NDST3: variants seen among roughly 807,000 people sequenced by gnomAD.
NDST3 encodes the protein bifunctional heparan sulfate N-deacetylase/N-sulfotransferase 3.
In NDST3, 58 loss-of-function variants were observed where a neutral mutation model predicts 96.1. That is an observed-to-expected ratio of 0.60 (90% CI 0.49 to 0.75). The LOEUF is 0.75. Among genes scored for constraint, NDST3 ranks in the 30% least tolerant of loss-of-function variants. The pLI is 0.00. For missense variants in NDST3, 788 were observed against 1,034.2 expected, an observed-to-expected ratio of 0.76 and a Z score of 3.27; for synonymous variants, 333 against 359.7, an observed-to-expected ratio of 0.93 and a Z score of 0.84.
At chr4:118,226,445 T>G (rs1365531603) in intron 7 of NDST3, among the ~76,000 whole-genome samples, 1 of 152,150 alleles carries the variant, frequency 6.6e-6, no homozygotes, top group East Asian at 1.9e-4. Context: ...TTTGGCCAGA[T>G]CCCTATCCCT....
chr4:118,129,731 T>C (rs1732442155), intron 4 of NDST3, among the ~76,000 whole-genome samples: 1 of 152,066 alleles, frequency 6.6e-6, no homozygotes, highest in Non-Finnish European at 1.5e-5. Flanking sequence ...TTAAGTCCAA[T>C]ATTTTTTGTT....
chr4:118,113,415 T>C (rs1466288412), intron 3 of NDST3, among the ~76,000 whole-genome samples: 1 of 152,180 alleles, frequency 6.6e-6, no homozygotes, highest in Non-Finnish European at 1.5e-5. Flanking sequence ...AAAGTGAAAC[T>C]GAAGACTGCC....
At chr4:118,118,957 G>A (rs1388646551) in intron 4 of NDST3, among the ~76,000 whole-genome samples, 2 of 152,104 alleles carry the variant, frequency 1.3e-5, no homozygotes, top group East Asian at 1.9e-4. Flanking sequence ...GAAAATGGTG[G>A]TGGTTAAATT....
chr4:118,113,124 C>G (rs77868937), intron 3 of NDST3, among the ~76,000 whole-genome samples: 164 of 152,184 alleles, frequency 1.1e-3, no homozygotes, highest in African/African-American at 3.8e-3. Flanking sequence ...CTACCTCCCC[C>G]CAAAAATAAA....
chr4:118,182,239 A>G (rs566899360), intron 6 of NDST3, among the ~76,000 whole-genome samples: 3 of 152,292 alleles, frequency 2.0e-5, no homozygotes, highest in African/African-American at 7.2e-5. Context: ...AGTTCTCGGG[A>G]CACGAATTGA....
At chr4:118,078,639 C>T (rs573570210) in intron 2 of NDST3, among the ~76,000 whole-genome samples, 1 of 152,000 alleles carries the variant, frequency 6.6e-6, no homozygotes, top group Non-Finnish European at 1.5e-5. Context: ...ATCCCAGCTA[C>T]TCAGGAAGCT....
At position 118,237,104 on chromosome 4, in the gene NDST3, A is replaced by T. The variant is rs1029166218; in HGVS notation, c.2002A>T (p.Ser668Cys). 6.2e-7 allele frequency: 1 copy of T among 1,612,410 alleles called. No homozygotes were observed. Among genetic ancestry groups the T allele is most frequent in the African/African-American group, 1.3e-5 (1 of 74,840 alleles). The change falls in exon 10 of 14, where the codon AGT becomes TGT. Residue 668 changes from serine (S) to cysteine (C), a missense_variant. Coordinates refer to ENST00000296499, the MANE Select transcript of NDST3 (RefSeq NM_004784.3). ...CACTACCGACTTTTTGTTTGAGAAG[A>T]GTGCCAATTACTTCCACTCAGAGGA... ...NVTTDFLFEKSANYFHSEEAP... is the reference protein window; with the variant it reads ...NVTTDFLFEKCANYFHSEEAP...
chr4:118,138,369 G>T, intron 5 of NDST3, 130 bp downstream of exon 5: 1 of 698,426 alleles, frequency 1.4e-6, no homozygotes. Context: ...AAGCATATTT[G>T]TCATATCTAA....
chr4:118,165,068 G>C (rs1158765572), intron 6 of NDST3, among the ~76,000 whole-genome samples: 4 of 152,048 alleles, frequency 2.6e-5, no homozygotes, highest in African/African-American at 9.7e-5. Context: ...GTAATAGTAA[G>C]TGCTTCCCTA....
intron 6 of NDST3, among the ~76,000 whole-genome samples, chr4:118,160,663 G>A (rs1364199612): frequency 4.0e-5 from 6 of 151,870 alleles, no homozygotes; most frequent in African/African-American, 7.3e-5. Context: ...TGATCGCATC[G>A]GCTCCTGAGG....
chr4:118,058,310 G>A (rs2110459172), intron 2 of NDST3, among the ~76,000 whole-genome samples: 1 of 151,178 alleles, frequency 6.6e-6, no homozygotes, highest in South Asian at 2.1e-4. Context: ...GAATAGCAAT[G>A]CAATATCAGC....
chr4:118,131,909 A>G (rs1235350874), intron 4 of NDST3, among the ~76,000 whole-genome samples: 3 of 152,050 alleles, frequency 2.0e-5, no homozygotes, highest in African/African-American at 7.3e-5. Context: ...CCAAACAAAC[A>G]GAGTCTCTTT....
intron 2 of NDST3, among the ~76,000 whole-genome samples, chr4:118,071,724 T>C (rs573706688): frequency 6.6e-6 from 1 of 152,320 alleles, no homozygotes; most frequent in Admixed American, 6.5e-5. Context: ...GCCATGAACA[T>C]GCACATGCAT....
intron 3 of NDST3, among the ~76,000 whole-genome samples, chr4:118,112,224 A>G (rs1730698157): frequency 6.6e-6 from 1 of 152,258 alleles, no homozygotes; most frequent in African/African-American, 2.4e-5. Flanking sequence ...AGGACAACAA[A>G]TGCCTGAGCT....
At chr4:118,220,369 G>A (rs574669123) in intron 6 of NDST3, among the ~76,000 whole-genome samples, 7 of 151,846 alleles carry the variant, frequency 4.6e-5, no homozygotes, top group South Asian at 4.2e-4. Context: ...ACCAAACACC[G>A]CATGTTCTCA....
At chr4:118,160,611 T>C (rs1194929212) in intron 6 of NDST3, among the ~76,000 whole-genome samples, 2 of 152,158 alleles carry the variant, frequency 1.3e-5, no homozygotes, top group African/African-American at 2.4e-5. Context: ...TCGCTTCATT[T>C]CATTCATTTC....
intron 6 of NDST3, among the ~76,000 whole-genome samples, chr4:118,160,662 C>T (rs1292574738): frequency 1.3e-5 from 2 of 152,068 alleles, no homozygotes; most frequent in African/African-American, 2.4e-5. Context: ...TTGATCGCAT[C>T]GGCTCCTGAG....
intron 10 of NDST3, among the ~76,000 whole-genome samples, 159 bp downstream of exon 10, chr4:118,237,379 A>T (rs1740710682): frequency 6.6e-6 from 1 of 152,204 alleles, no homozygotes. Flanking sequence ...ATTTCTATTG[A>T]GAAATTTCCT....
At chr4:118,170,540 C>T (rs1735870683) in intron 6 of NDST3, among the ~76,000 whole-genome samples, 1 of 152,062 alleles carries the variant, frequency 6.6e-6, no homozygotes, top group Admixed American at 6.5e-5. Flanking sequence ...CCAGCCTGGC[C>T]AATATGGTGA....
Sources: allele counts gnomAD v4.1 joint callset (sites outside exome capture counted in the v4.1 genomes callset), GRCh38; gene constraint gnomAD v4.1.1; transcripts MANE v1.5; gene names NCBI Gene and HGNC (gene_info 2026-07-23, HGNC 2026-07-21).